XRRA1: variants seen among roughly 807,000 people sequenced by gnomAD.
The protein encoded by XRRA1 is X-ray radiation resistance associated 1, also known as X-ray radiation resistance-associated protein 1.
A neutral mutation model predicts 80.2 loss-of-function variants in XRRA1; 69 were observed. That is an observed-to-expected ratio of 0.86 (90% CI 0.71 to 1.05). XRRA1 has a LOEUF of 1.05. XRRA1 is among the 50% of genes least tolerant of loss of function. The probability of loss-of-function intolerance (pLI) is 0.00; values close to 1 mark genes in which losing one functional copy is unlikely to be tolerated. For synonymous variants in XRRA1, 348 were observed against 389.9 expected (o/e 0.89, Z 1.27); for missense variants, 967 against 976.4 (o/e 0.99, Z 0.13).
chr11:74,945,994 A>C (rs543792943), intron 1 of XRRA1, among the ~76,000 whole-genome samples: 2 of 151,520 alleles, frequency 1.3e-5, no homozygotes, highest in Non-Finnish European at 2.9e-5. Flanking sequence ...ACAAGGTCTC[A>C]CTCTGTTACC....
At position 74,843,877 on chromosome 11, in the gene XRRA1, C is replaced by G. The variant is rs113420599; in HGVS notation, c.2126G>C (p.Arg709Pro). 7 of 1,611,654 alleles carry G rather than the reference C, an allele frequency of 4.3e-6. No homozygotes were observed. Among genetic ancestry groups the G allele is most frequent in the Non-Finnish European group, 5.9e-6 (7 of 1,178,972 alleles). ...ACCTAGTGGAGCCTCTGTAATGTTCCGGGGATCCCGCAAGCGAATGAAGAT... is the reference window on the plus strand; with the variant it reads ...ACCTAGTGGAGCCTCTGTAATGTTCGGGGGATCCCGCAAGCGAATGAAGAT... Reference protein sequence around the residue: ...DDIFIRLRDPRNITEAPLGAV... With the variant: ...DDIFIRLRDPPNITEAPLGAV... Residue 709 changes from arginine (R) to proline (P), a missense_variant, in exon 18 of 19, where the codon CGG becomes CCG. Transcript: ENST00000684022.
At chr11:74,856,087 G>A (rs184854715) in intron 12 of XRRA1, among the ~76,000 whole-genome samples, 231 of 152,238 alleles carry the variant, frequency 1.5e-3, no homozygotes, top group African/African-American at 5.4e-3. Context: ...AGCCAAGATC[G>A]CACCACTGCA....
In XRRA1 at chr11:74,933,881, T is replaced by C; in HGVS notation, c.280-9A>G. 2 of 1,599,648 alleles carry C rather than the reference T, an allele frequency of 1.3e-6. No individual in the cohort carries two copies. Among genetic ancestry groups the C allele is most frequent in the Non-Finnish European group, 1.7e-6 (2 of 1,172,812 alleles). ...ACACAGTGGTGCTTCAGCTGGAACA[T>C]AATACAAAGAGTTGTCTCTTAAGGC... On this transcript the variant is annotated splice_polypyrimidine_tract_variant and intron_variant, in intron 4 of 18. Transcript: ENST00000684022.
At chr11:74,900,861 GA>G (rs1448720531) in intron 10 of XRRA1, among the ~76,000 whole-genome samples, 1 of 152,188 alleles carries the variant, frequency 6.6e-6, no homozygotes, top group Non-Finnish European at 1.5e-5. Context: ...ACTAAATGGG[GA>G]AAAACTGAAA....
chr11:74,869,514 G>A (rs544530028), intron 10 of XRRA1, among the ~76,000 whole-genome samples: 1 of 152,278 alleles, frequency 6.6e-6, no homozygotes, highest in East Asian at 1.9e-4. Flanking sequence ...AATAGAAAAG[G>A]GCTACCTGGG....
intron 12 of XRRA1, 132 bp downstream of exon 12, chr11:74,859,026 C>T: frequency 5.5e-6 from 7 of 1,264,042 alleles, no homozygotes; most frequent in Non-Finnish European, 7.3e-6. Context: ...CTTTCCCCAC[C>T]CTGAGAATTC....
chr11:74,876,036 C>T (rs888209730), intron 10 of XRRA1, among the ~76,000 whole-genome samples: 2 of 152,194 alleles, frequency 1.3e-5, no homozygotes, highest in African/African-American at 4.8e-5. Flanking sequence ...TGGATAGAAG[C>T]ATTTCCATGC....
intron 8 of XRRA1, among the ~76,000 whole-genome samples, chr11:74,916,315 GT>G (rs1938657039): frequency 6.6e-6 from 1 of 152,014 alleles, no homozygotes; most frequent in South Asian, 2.1e-4. Flanking sequence ...TTGCTTGATG[GT>G]ATCCCAATCC....
Position 74,850,926 on chromosome 11 carries a change from C to G in XRRA1, c.1380+162G>C, listed in dbSNP as rs181654184. 2.0e-3 allele frequency: 965 copies of G among 479,208 alleles called. 2 individuals are homozygous for G. The highest frequency in any genetic ancestry group is 5.2e-3 in the Middle Eastern group (9 of 1,732). The allele number at this position is 479,208 out of a possible 1,614,324, so 29.7% of individuals were successfully genotyped here. Reference sequence around the variant, plus strand: ...TATATTTTCATATCTGTTGTTTCATCCAGTGCTCTTCCCAAAGCAAGGAAA... The same window carrying G: ...TATATTTTCATATCTGTTGTTTCATGCAGTGCTCTTCCCAAAGCAAGGAAA... On this transcript the variant is annotated intron_variant, in intron 14 of 18. Coordinates refer to ENST00000684022, the MANE Select transcript of XRRA1 (RefSeq NM_001378157.1).
At chr11:74,946,925 G>A (rs1003972868) in intron 1 of XRRA1, among the ~76,000 whole-genome samples, 1 of 151,938 alleles carries the variant, frequency 6.6e-6, no homozygotes, top group Non-Finnish European at 1.5e-5. Flanking sequence ...GTAATTTTTT[G>A]TATTTTTAGT....
At chr11:74,868,739 T>G (rs1293149224) in intron 10 of XRRA1, among the ~76,000 whole-genome samples, 1 of 148,602 alleles carries the variant, frequency 6.7e-6, no homozygotes, top group South Asian at 2.1e-4. Context: ...CCAACAAAGA[T>G]TAAAAAAAAA....
In XRRA1 at chr11:74,921,237, C is replaced by T. The variant is rs571679401; in HGVS notation, c.633G>A (p.Pro211=). ...ACTGTTCTGCGACGGCCAAATTGGGCGGCAGGGAGGTAAGGCCATTGCCTG... is the reference window on the plus strand; with the variant it reads ...ACTGTTCTGCGACGGCCAAATTGGGTGGCAGGGAGGTAAGGCCATTGCCTG... The part of the protein sequence containing the change: ...LLTGNGLTSL[P]PNLAVAEQEA... Residue 211 remains proline (P), a synonymous_variant, in exon 8 of 19, where the codon CCG becomes CCA. Coordinates refer to ENST00000684022, the MANE Select transcript of XRRA1 (RefSeq NM_001378157.1). The T allele has an allele frequency of 2.2e-5, 36 of 1,613,614 alleles. No individual in the cohort carries two copies. The highest frequency in any genetic ancestry group is 1.1e-4 in the South Asian group (10 of 91,062).
chr11:74,888,881 G>A (rs1461353711), intron 10 of XRRA1, among the ~76,000 whole-genome samples: 1 of 152,134 alleles, frequency 6.6e-6, no homozygotes, highest in African/African-American at 2.4e-5. Context: ...AAGAAACAAA[G>A]CCTCCAAGAA....
Position 74,937,130 on chromosome 11 carries a change from T to C in XRRA1, c.95-62A>G, listed in dbSNP as rs1945190915. On this transcript the variant is annotated intron_variant, in intron 3 of 18. Coordinates refer to ENST00000684022, the MANE Select transcript of XRRA1 (RefSeq NM_001378157.1). ...TCCAAAGCTACAACGAGTGCAGTTA[T>C]AGACTTTGTTTATAATACTAAAACC... 3.9e-5 allele frequency: 59 copies of C among 1,521,524 alleles called. No individual in the cohort carries two copies. The South Asian group carries it at 4.3e-4, about 11-fold the overall frequency. 94.3% of individuals were successfully genotyped at this position (1,521,524 alleles called of 1,614,324 possible).
chr11:74,929,215 T>C (rs1278499101), intron 6 of XRRA1, among the ~76,000 whole-genome samples: 1 of 152,086 alleles, frequency 6.6e-6, no homozygotes, highest in Non-Finnish European at 1.5e-5. Flanking sequence ...GCCCCTTGAT[T>C]CCTCCCTCTC....
At position 74,843,028 on chromosome 11, in the gene XRRA1, A is replaced by G. The variant is rs2036814319; in HGVS notation, c.*172T>C. ...CAGGCACCAGGTCATGCCTGGGCCA[A>G]GGAGGGGAGATCCTGACAAGGGGAT... On this transcript the variant is annotated 3_prime_UTR_variant, in exon 19 of 19. Transcript: ENST00000684022. 2.3e-6 allele frequency: 2 copies of G among 881,796 alleles called. No homozygotes were observed. Among genetic ancestry groups the G allele is most frequent in the Non-Finnish European group, 3.4e-6 (2 of 596,358 alleles). 54.6% of individuals were successfully genotyped at this position (881,796 alleles called of 1,614,324 possible).
intron 7 of XRRA1, among the ~76,000 whole-genome samples, chr11:74,922,250 C>T (rs1164747650): frequency 2.1e-5 from 2 of 95,896 alleles, no homozygotes; most frequent in Non-Finnish European, 4.1e-5. Context: ...GAGCAAGACT[C>T]TGCCTCAAAA....
In XRRA1 at chr11:74,848,455, C is replaced by T; in HGVS notation, c.1388G>A (p.Ser463Asn). The T allele has an allele frequency of 6.2e-7, 1 of 1,606,180 alleles. No individual in the cohort carries two copies. Residue 463 changes from serine (S) to asparagine (N), a missense_variant, in exon 15 of 19, where the codon AGC becomes AAC. By Grantham distance (46) the Ser-to-Asn change is conservative (BLOSUM62 1). Coordinates refer to ENST00000684022, the MANE Select transcript of XRRA1 (RefSeq NM_001378157.1). ...CTGCTTCGGCACCTTTGGGATTTCG[C>T]TTTTCACCTGTCATGGAGAAGGGCC... ...MSRKESWKVK[S>N]EIPKVPKQPL...
intron 12 of XRRA1, among the ~76,000 whole-genome samples, chr11:74,853,001 A>G (rs182801686): frequency 6.6e-6 from 1 of 152,298 alleles, no homozygotes; most frequent in East Asian, 1.9e-4. Context: ...GATTTCCACT[A>G]ACTTCTTTCA....
Sources: allele counts gnomAD v4.1 joint callset (sites outside exome capture counted in the v4.1 genomes callset), GRCh38; gene constraint gnomAD v4.1.1; transcripts MANE v1.5; gene names NCBI Gene and HGNC (gene_info 2026-07-23, HGNC 2026-07-21).